Variants in UNC5A observed in about 807,000 individuals in gnomAD.
UNC5A encodes netrin receptor UNC5A.
Under a neutral mutation model 87.4 loss-of-function variants are expected in UNC5A, and 20 were observed. The ratio of observed to expected loss-of-function variants is 0.23; its 90% CI spans 0.16 to 0.33. The LOEUF is 0.33. UNC5A is among the 10% of genes least tolerant of loss of function. UNC5A has a pLI of 1.00. For missense variants in UNC5A, 844 were observed against 1,133.4 expected (o/e 0.74, Z 3.67); for synonymous variants, 438 against 482.3 (o/e 0.91, Z 1.20).
At chr5:176,834,220 T>C (rs368158503) in intron 1 of UNC5A, among the ~76,000 whole-genome samples, 1 of 152,126 alleles carries the variant, frequency 6.6e-6, no homozygotes, top group South Asian at 2.1e-4. Flanking sequence ...GCCGGGAGTA[T>C]GGAAGAGAAC....
chr5:176,851,478 C>T (rs918675018), intron 1 of UNC5A, among the ~76,000 whole-genome samples: 1 of 152,202 alleles, frequency 6.6e-6, no homozygotes, highest in African/African-American at 2.4e-5. Flanking sequence ...TATGAAATGC[C>T]GCCATATGTG....
rs1158532960 is a variant in UNC5A at position 176,865,685 on chromosome 5, A to G, written c.293-2445A>G. 2 of 456,554 alleles carry G rather than the reference A, an allele frequency of 4.4e-6. No individual in the cohort carries two copies. Among genetic ancestry groups the G allele is most frequent in the Non-Finnish European group, 8.8e-6 (2 of 226,994 alleles). The allele number at this position is 456,554 out of a possible 1,614,324, so 28.3% of individuals were successfully genotyped here. A position where few individuals can be genotyped will look rare whatever the true frequency, so the allele number is the denominator to read the frequency against. On this transcript the variant is annotated intron_variant, in intron 2 of 14. Coordinates refer to ENST00000329542, the MANE Select transcript of UNC5A (RefSeq NM_133369.3). The surrounding 1 kb of genome is among the most constrained non-coding windows in gnomAD (Gnocchi z 5.3). The stretch of plus-strand genomic sequence containing the variant: ...CAGTGGCGCCACGCCGCCAAAGACC[A>G]AAGACCCCAAACCAGAAACGTTCTG...
chr5:176,869,474 C>T lies in UNC5A; in HGVS notation c.721+510C>T. 3.4e-6 allele frequency: 2 copies of T among 586,930 alleles called. No homozygotes were observed. Among genetic ancestry groups the T allele is most frequent in the South Asian group, 3.9e-5 (2 of 50,776 alleles). The allele number at this position is 586,930 out of a possible 1,614,324, so 36.4% of individuals were successfully genotyped here. On this transcript the variant is annotated intron_variant, in intron 5 of 14. Coordinates refer to ENST00000329542, the MANE Select transcript of UNC5A (RefSeq NM_133369.3). This position sits in a 1 kb window ranked among gnomAD's most constrained non-coding sequence, Gnocchi z 9.1. ...GGCCAGCAGGCACGAGCATGGCCTC[C>T]CCCAGGCCTTCTCTCCCAGCTCAGC...
rs1758050924 is a variant in UNC5A at position 176,869,216 on chromosome 5, A to T, written c.721+252A>T. Among the ~76,000 whole-genome samples the T allele has an allele frequency of 6.6e-6, 1 of 152,080 alleles. No homozygotes were observed. Among genetic ancestry groups the T allele is most frequent in the African/African-American group, 2.4e-5 (1 of 41,422 alleles). ...TGTGCAGAAGGAGATGAGGGACAGG[A>T]TGGGAATCTAGGAAAGGTGACAGGC... On this transcript the variant is annotated intron_variant, in intron 5 of 14. Coordinates refer to ENST00000329542, the MANE Select transcript of UNC5A (RefSeq NM_133369.3). This position sits in a 1 kb window ranked among gnomAD's most constrained non-coding sequence, Gnocchi z 9.1.
At chr5:176,827,372 G>A (rs945728159) in intron 1 of UNC5A, among the ~76,000 whole-genome samples, 2 of 151,888 alleles carry the variant, frequency 1.3e-5, no homozygotes, top group East Asian at 3.9e-4. Flanking sequence ...TAGTAGGGAC[G>A]GGGTTTCACC....
intron 1 of UNC5A, among the ~76,000 whole-genome samples, chr5:176,836,946 T>C (rs1757159629): frequency 6.6e-6 from 1 of 152,190 alleles, no homozygotes; most frequent in Non-Finnish European, 1.5e-5. Flanking sequence ...CTCTCTGATG[T>C]CAGAGGAAGT....
intron 1 of UNC5A, among the ~76,000 whole-genome samples, chr5:176,860,077 C>T (rs1757796397): frequency 6.6e-6 from 1 of 152,204 alleles, no homozygotes; most frequent in African/African-American, 2.4e-5. Flanking sequence ...GGCCGCACAC[C>T]CCCTCCCTGC....
chr5:176,879,785 C>A lies in UNC5A; in HGVS notation c.2428C>A (p.Arg810=), dbSNP rs139125725. ...CATGATCCTCAACCTGTGGGAGGCG[C>A]GGCACTTCCCCAACGGCAACCTCAG... ...TAMILNLWEA[R]HFPNGNLSQL... The change falls in exon 15 of 15, where the codon CGG becomes AGG. Residue 810 remains arginine (R), a synonymous_variant. Coordinates refer to ENST00000329542, the MANE Select transcript of UNC5A (RefSeq NM_133369.3). The A allele has an allele frequency of 6.2e-7, 1 of 1,613,470 alleles. No homozygotes were observed. The highest frequency in any genetic ancestry group is 1.7e-5 in the Admixed American group (1 of 60,024).
chr5:176,870,604 G>A (rs1758086021), intron 6 of UNC5A, 70 bp downstream of exon 6: 4 of 1,481,864 alleles, frequency 2.7e-6, no homozygotes, highest in Non-Finnish European at 3.6e-6. Context: ...TGGGGAGGTG[G>A]GGGCTGAGGG....
chr5:176,816,782 A>T (rs1756597553), intron 1 of UNC5A, among the ~76,000 whole-genome samples: 1 of 152,250 alleles, frequency 6.6e-6, no homozygotes. Context: ...AGCAATGATG[A>T]TGCCATGGCA....
chr5:176,823,893 G>C (rs144456819), intron 1 of UNC5A, among the ~76,000 whole-genome samples: 1 of 152,214 alleles, frequency 6.6e-6, no homozygotes, highest in Non-Finnish European at 1.5e-5. Context: ...GCCGCCCATT[G>C]TTTTAACTGC....
chr5:176,861,550 T>A (rs28622974), intron 1 of UNC5A, among the ~76,000 whole-genome samples: 4,908 of 151,974 alleles, frequency 0.032, 248 homozygotes, highest in African/African-American at 0.11. Context: ...CCTCGGTGGG[T>A]AGGGTGGGCC....
chr5:176,826,703 C>T (rs886359286), intron 1 of UNC5A, among the ~76,000 whole-genome samples: 2 of 141,744 alleles, frequency 1.4e-5, no homozygotes, highest in African/African-American at 5.2e-5. Context: ...TGCAGTGGCA[C>T]GATCTCGGCT....
At chr5:176,834,701 C>CTCTCTCTCTCTCTCTCTCTG (rs1428448502) in intron 1 of UNC5A, among the ~76,000 whole-genome samples, 2 of 148,496 alleles carry the variant, frequency 1.3e-5, no homozygotes, top group Non-Finnish European at 3.0e-5. Context: ...CTCTCTCTCT[C>CTCTCTCTCTCTCTCTCTCTG]TCTGTCTCTC....
At position 176,838,379 on chromosome 5, in the gene UNC5A, T is replaced by A. The variant is rs931877237; in HGVS notation, c.71-24245T>A. On this transcript the variant is annotated intron_variant, in intron 1 of 14. Transcript: ENST00000329542. The surrounding 1 kb of genome is among the most constrained non-coding windows in gnomAD (Gnocchi z 4.2). ...CCCATGGTAAAATGTTCCTGATCTG[T>A]CTTCCCAGTCTTGTCTTCTTACCTC... is the stretch of plus-strand genomic sequence containing the variant. Among the ~76,000 whole-genome samples, 5 of 152,232 alleles carry A rather than the reference T, an allele frequency of 3.3e-5. No individual in the cohort carries two copies. Among genetic ancestry groups the A allele is most frequent in the Non-Finnish European group, 1.5e-5 (1 of 68,042 alleles).
intron 1 of UNC5A, among the ~76,000 whole-genome samples, chr5:176,828,768 C>CATGG (rs780428507): frequency 2.2e-4 from 34 of 152,050 alleles, no homozygotes; most frequent in Non-Finnish European, 4.4e-5. Context: ...ACTGCTCGTT[C>CATGG]ATGGATGGAT....
At chr5:176,863,670 A>G (rs1330796961) in intron 2 of UNC5A, among the ~76,000 whole-genome samples, 2 of 150,376 alleles carry the variant, frequency 1.3e-5, no homozygotes, top group East Asian at 4.0e-4. Context: ...TCCCCCAGAA[A>G]GGACTGGCAG....
intron 1 of UNC5A, among the ~76,000 whole-genome samples, chr5:176,859,789 CTG>C (rs1757787137): frequency 1.4e-5 from 1 of 70,006 alleles, no homozygotes; most frequent in Non-Finnish European, 5.6e-5. Flanking sequence ...GAGGGCATAG[CTG>C]CTAGAATGTC....
chr5:176,869,084 TG>T lies in UNC5A; in HGVS notation c.721+121del. On this transcript the variant is annotated intron_variant, in intron 5 of 14. Transcript: ENST00000329542. The surrounding 1 kb of genome is among the most constrained non-coding windows in gnomAD (Gnocchi z 9.1). ...AAAGCCAGGTGGACCAGATCGTGCC[TG>T]ACTAGGCAGGATAAGCAAAGGGCTC... is the stretch of plus-strand genomic sequence containing the variant. The T allele has an allele frequency of 3.4e-6, 4 of 1,180,994 alleles. No homozygotes were observed. The highest frequency in any genetic ancestry group is 3.5e-6 in the Non-Finnish European group (3 of 865,438). 73.2% of individuals were successfully genotyped at this position (1,180,994 alleles called of 1,614,324 possible). A position where few individuals can be genotyped will look rare whatever the true frequency, so the allele number is the denominator to read the frequency against.
Sources: gnomAD v4.1 joint callset for allele counts (sites outside exome capture counted in the v4.1 genomes callset) on GRCh38, gnomAD v4.1.1 for gene constraint, Gnocchi (gnomAD v3.1) non-coding constraint, MANE v1.5 for transcripts, NCBI Gene and HGNC (gene_info 2026-07-23, HGNC 2026-07-21) for gene names.